The following TP63 variants were observed in gnomAD, a reference collection of about 807,000 sequenced individuals.
TP63 encodes the protein tumor protein p63.
In TP63, 17 loss-of-function variants were observed where a neutral mutation model predicts 82.8. The ratio of observed to expected loss-of-function variants is 0.21; its 90% CI spans 0.14 to 0.31. The LOEUF is 0.31. TP63 is among the 10% of genes least tolerant of loss of function. TP63 has a pLI of 1.00. For missense variants in TP63, 648 were observed against 895.3 expected (o/e 0.72, Z 3.52); for synonymous variants, 330 against 321.7 (o/e 1.03, Z -0.28).
At position 189,631,504 on chromosome 3, in the gene TP63, C is replaced by T; in HGVS notation, c.-12C>T. 1 of 1,612,512 alleles carries T rather than the reference C, an allele frequency of 6.2e-7. No homozygotes were observed. ...GTTCTCCGTTCGTTGATATCAAAGA[C>T]AGTTGAAGGAAATGAATTTTGAAAC... On this transcript the variant is annotated 5_prime_UTR_variant, in exon 1 of 14. Transcript: ENST00000264731.
At chr3:189,864,551 T>C in intron 5 of TP63, 133 bp downstream of exon 5, 1 of 837,638 alleles carries the variant, frequency 1.2e-6, no homozygotes, top group Non-Finnish European at 1.8e-6. Flanking sequence ...CTTTTTTTTT[T>C]TTTTTTTTTT....
intron 3 of TP63, among the ~76,000 whole-genome samples, chr3:189,751,567 C>T (rs1337417279): frequency 6.6e-6 from 1 of 152,136 alleles, no homozygotes; most frequent in Non-Finnish European, 1.5e-5. Context: ...TCTCTGATGG[C>T]CAGTGATGGT....
intron 10 of TP63, among the ~76,000 whole-genome samples, chr3:189,885,266 C>CT (rs749763095): frequency 6.6e-6 from 1 of 151,834 alleles, no homozygotes; most frequent in South Asian, 2.1e-4. Flanking sequence ...ACATTTCTTC[C>CT]TCATCTTCTC....
chr3:189,884,185 G>C (rs1262159589), intron 10 of TP63, among the ~76,000 whole-genome samples: 1 of 152,114 alleles, frequency 6.6e-6, no homozygotes, highest in Non-Finnish European at 1.5e-5. Context: ...TCTCCTTACT[G>C]CCTTGCCCCA....
rs73889817 is a variant in TP63 at position 189,745,150 on chromosome 3, T to A, written c.324+6376T>A. Among the ~76,000 whole-genome samples, 1,004 of 152,230 alleles carry A rather than the reference T, an allele frequency of 6.6e-3. 7 individuals carry two copies. The highest frequency in any genetic ancestry group is 0.023 in the African/African-American group (936 of 41,544). Reference sequence around the variant, plus strand: ...TCTATGAAAGCAAATTCAAAAAAAATTGTAAGAAATGACTATTCTACCAGA... The same window carrying A: ...TCTATGAAAGCAAATTCAAAAAAAAATGTAAGAAATGACTATTCTACCAGA... On this transcript the variant is annotated intron_variant, in intron 3 of 13. Coordinates refer to ENST00000264731, the MANE Select transcript of TP63 (RefSeq NM_003722.5).
chr3:189,705,652 T>G (rs1718142670), intron 1 of TP63, among the ~76,000 whole-genome samples: 1 of 151,968 alleles, frequency 6.6e-6, no homozygotes, highest in Non-Finnish European at 1.5e-5. Flanking sequence ...AAGAACATAT[T>G]TATTATAATA....
At chr3:189,679,617 C>T (rs1715737172) in intron 1 of TP63, among the ~76,000 whole-genome samples, 1 of 151,866 alleles carries the variant, frequency 6.6e-6, no homozygotes. Context: ...TTTTACTGTA[C>T]AAAAGTTTTT....
rs1721453073 is a variant in TP63 at position 189,896,131 on chromosome 3, C to T, written c.*1629C>T. The T allele has an allele frequency of 4.5e-6, 1 of 221,358 alleles. No individual in the cohort carries two copies. Among genetic ancestry groups the T allele is most frequent in the South Asian group, 1.9e-4 (1 of 5,400 alleles). 13.7% of individuals were successfully genotyped at this position (221,358 alleles called of 1,614,324 possible). On this transcript the variant is annotated 3_prime_UTR_variant, in exon 14 of 14. Coordinates refer to ENST00000264731, the MANE Select transcript of TP63 (RefSeq NM_003722.5). ...GCATGCAAATGAGCTCTGAAATCTT[C>T]CCATGCATTCTGGTCAAGGGCTGTC... is the stretch of plus-strand genomic sequence containing the variant.
At chr3:189,650,969 T>G (rs2095987902) in intron 1 of TP63, among the ~76,000 whole-genome samples, 1 of 147,184 alleles carries the variant, frequency 6.8e-6, no homozygotes, top group African/African-American at 2.5e-5. Context: ...TGAATGGCTT[T>G]GACCAAAATG....
In TP63 at chr3:189,869,412, T is replaced by A. The variant is rs192529873; in HGVS notation, c.1212+6T>A. On this transcript the variant is annotated splice_donor_region_variant and intron_variant, in intron 9 of 13. Transcript: ENST00000264731. The stretch of plus-strand genomic sequence containing the variant: ...ATGAACTGTTATACTTACCAGTAGG[T>A]CTTCCTTGGGTGTTCATGGTTGCTT... 6.2e-7 allele frequency: 1 copy of A among 1,613,120 alleles called. No homozygotes were observed. Among genetic ancestry groups the A allele is most frequent in the Admixed American group, 1.7e-5 (1 of 59,986 alleles).
intron 1 of TP63, among the ~76,000 whole-genome samples, chr3:189,655,879 G>A (rs1713309422): frequency 1.3e-5 from 2 of 152,068 alleles, no homozygotes; most frequent in South Asian, 4.1e-4. Context: ...CAAGAGAAGA[G>A]GAAGTGGAAC....
intron 3 of TP63, among the ~76,000 whole-genome samples, chr3:189,781,637 G>T (rs921779362): frequency 5.3e-5 from 8 of 151,690 alleles, no homozygotes; most frequent in African/African-American, 1.9e-4. Context: ...GAAGATTTAC[G>T]TAAGAAAGCT....
At chr3:189,626,471 A>G (rs940730588), upstream of TP63, among the ~76,000 whole-genome samples, 1 of 152,170 alleles carries the variant, frequency 6.6e-6, no homozygotes, top group African/African-American at 2.4e-5. Flanking sequence ...AAAGGAATTC[A>G]GTTTCTCTGA....
chr3:189,752,978 A>G, intron 3 of TP63, among the ~76,000 whole-genome samples: 1 of 152,260 alleles, frequency 6.6e-6, no homozygotes, highest in Non-Finnish European at 1.5e-5. Context: ...ATACTAACTT[A>G]GCTTAATTTC....
At chr3:189,868,326 T>G (rs1717982134) in intron 7 of TP63, among the ~76,000 whole-genome samples, 1 of 152,184 alleles carries the variant, frequency 6.6e-6, no homozygotes, top group South Asian at 2.1e-4. Flanking sequence ...AATATGTAGC[T>G]AAATACAGCT....
upstream of TP63, among the ~76,000 whole-genome samples, chr3:189,626,456 G>C (rs1287015298): frequency 1.3e-5 from 2 of 152,152 alleles, no homozygotes; most frequent in Non-Finnish European, 2.9e-5. Flanking sequence ...CAGTTACCCT[G>C]ACACAAAGGA....
At chr3:189,840,356 CGTCTTTTTTTTTTTTTTT>C (rs1713824250) in intron 4 of TP63, among the ~76,000 whole-genome samples, 1 of 26,210 alleles carries the variant, frequency 3.8e-5, no homozygotes, top group Non-Finnish European at 9.3e-5. Context: ...TTTTGCTTTT[CGTCTTTTTTTTTTTTTTT>C]TTTTTTTTTT....
intron 3 of TP63, among the ~76,000 whole-genome samples, chr3:189,759,104 G>A (rs1360443533): frequency 6.6e-6 from 1 of 152,218 alleles, no homozygotes; most frequent in Non-Finnish European, 1.5e-5. Context: ...GCATGATAAT[G>A]AAGTCAGAGC....
At chr3:189,657,976 A>G (rs1266354572) in intron 1 of TP63, among the ~76,000 whole-genome samples, 1 of 152,072 alleles carries the variant, frequency 6.6e-6, no homozygotes, top group Non-Finnish European at 1.5e-5. Context: ...CTAGCTTCTT[A>G]TATCTGTTCC....
Sources: gnomAD v4.1 joint callset for allele counts (sites outside exome capture counted in the v4.1 genomes callset) on GRCh38, gnomAD v4.1.1 for gene constraint, MANE v1.5 for transcripts, NCBI Gene and HGNC (gene_info 2026-07-23, HGNC 2026-07-21) for gene names.